MRPL1: variants seen among roughly 807,000 people sequenced by gnomAD.
MRPL1 encodes large ribosomal subunit protein uL1m.
Under a neutral mutation model 38.0 loss-of-function variants are expected in MRPL1, and 28 were observed. That is an observed-to-expected ratio of 0.74 (90% CI 0.55 to 1.01). The LOEUF (loss-of-function observed/expected upper bound fraction) is 1.01, where lower values mean the gene tolerates loss of function less well. Ranked by LOEUF, MRPL1 falls within the 50% of genes least tolerant of loss-of-function variation. The pLI, the probability that MRPL1 is intolerant of heterozygous loss-of-function variation, is 0.00. For missense variants in MRPL1, 358 were observed against 389.8 expected (o/e 0.92, Z 0.69); for synonymous variants, 123 against 126.7 (o/e 0.97, Z 0.20).
At chr4:77,863,021 A>G (rs901632482) in intron 1 of MRPL1, 142 bp downstream of exon 1, 1 of 992,254 alleles carries the variant, frequency 1.0e-6, no homozygotes, top group Admixed American at 2.2e-5. Context: ...AGGGTGGGTC[A>G]TTACTACTTA....
intron 6 of MRPL1, among the ~76,000 whole-genome samples, chr4:77,897,429 G>A (rs1010347448): frequency 6.6e-6 from 1 of 152,168 alleles, no homozygotes; most frequent in African/African-American, 2.4e-5. Flanking sequence ...ACCTGTGATA[G>A]GTACTGTGGC....
intron 5 of MRPL1, among the ~76,000 whole-genome samples, chr4:77,891,395 A>G (rs563950139): frequency 6.9e-6 from 1 of 145,692 alleles, no homozygotes; most frequent in South Asian, 2.1e-4. Context: ...TCGTTGCATC[A>G]CCCAGGCTGG....
At chr4:77,944,680 G>C (rs2110266871) in intron 7 of MRPL1, among the ~76,000 whole-genome samples, 1 of 152,188 alleles carries the variant, frequency 6.6e-6, no homozygotes, top group East Asian at 1.9e-4. Flanking sequence ...AAATTAGGAA[G>C]GCACTAAAGG....
chr4:77,910,543 C>T (rs567277508), intron 7 of MRPL1, among the ~76,000 whole-genome samples: 21 of 152,238 alleles, frequency 1.4e-4, no homozygotes, highest in East Asian at 1.9e-4. Flanking sequence ...GAGGCTGAGG[C>T]GATCCCTGGG....
intron 7 of MRPL1, among the ~76,000 whole-genome samples, chr4:77,947,979 C>G (rs1239228790): frequency 6.6e-6 from 1 of 152,024 alleles, no homozygotes; most frequent in Non-Finnish European, 1.5e-5. Flanking sequence ...CCATCCTAAT[C>G]ATGAAAGTTG....
intron 6 of MRPL1, among the ~76,000 whole-genome samples, chr4:77,901,630 A>C (rs1316910722): frequency 6.6e-6 from 1 of 152,186 alleles, no homozygotes; most frequent in African/African-American, 2.4e-5. Flanking sequence ...CTTTTAAGAC[A>C]ATGATTATTA....
intron 7 of MRPL1, among the ~76,000 whole-genome samples, chr4:77,927,493 A>G (rs912243965): frequency 6.6e-6 from 1 of 152,128 alleles, no homozygotes; most frequent in African/African-American, 2.4e-5. Context: ...TCCTGTTAGT[A>G]TACTATAAAT....
At chr4:77,877,099 C>G (rs1438500122) in intron 2 of MRPL1, among the ~76,000 whole-genome samples, 1 of 152,146 alleles carries the variant, frequency 6.6e-6, no homozygotes, top group Non-Finnish European at 1.5e-5. Flanking sequence ...GGGGTTTCAC[C>G]CTGTTGGCCA....
intron 6 of MRPL1, chr4:77,907,249 T>C (rs1736177881): frequency 2.3e-6 from 2 of 871,746 alleles, no homozygotes; most frequent in Non-Finnish European, 1.4e-6. Context: ...TATTTTTGTT[T>C]ATTAAATTTG....
At chr4:77,873,720 A>G (rs1270740682) in intron 2 of MRPL1, among the ~76,000 whole-genome samples, 1 of 152,224 alleles carries the variant, frequency 6.6e-6, no homozygotes, top group Non-Finnish European at 1.5e-5. Flanking sequence ...TCTGTCTTTG[A>G]GATTTTCACA....
chr4:77,899,537 C>T (rs1237628303), intron 6 of MRPL1, among the ~76,000 whole-genome samples: 1 of 152,062 alleles, frequency 6.6e-6, no homozygotes, highest in Non-Finnish European at 1.5e-5. Flanking sequence ...TCAGTTATCA[C>T]AGGTTTTTCT....
chr4:77,917,263 C>A (rs549291119), intron 7 of MRPL1, among the ~76,000 whole-genome samples: 1 of 152,248 alleles, frequency 6.6e-6, no homozygotes, highest in South Asian at 2.1e-4. Context: ...TGACTCACCC[C>A]TACCATCACC....
At chr4:77,945,985 G>A (rs1057334200) in intron 7 of MRPL1, among the ~76,000 whole-genome samples, 1 of 152,090 alleles carries the variant, frequency 6.6e-6, no homozygotes, top group Non-Finnish European at 1.5e-5. Context: ...ACATAAAACA[G>A]GTTTCGAGAG....
At chr4:77,910,122 C>T (rs986248418) in intron 7 of MRPL1, among the ~76,000 whole-genome samples, 1 of 152,014 alleles carries the variant, frequency 6.6e-6, no homozygotes, top group Non-Finnish European at 1.5e-5. Context: ...TAATTGTTAG[C>T]CATATGAGAG....
At chr4:77,905,881 G>T (rs11097965) in intron 6 of MRPL1, among the ~76,000 whole-genome samples, 33,858 of 152,012 alleles carry the variant, frequency 0.22, 4,753 homozygotes, top group African/African-American at 0.39. Flanking sequence ...AGTCCTTTAT[G>T]TGTTTATTCT....
chr4:77,925,491 G>A (rs1281556819), intron 7 of MRPL1, among the ~76,000 whole-genome samples: 3 of 151,614 alleles, frequency 2.0e-5, no homozygotes, highest in Non-Finnish European at 2.9e-5. Context: ...ACAGGTGCCC[G>A]CCACTATGCC....
At chr4:77,892,986 GTTAT>G (rs1328949787) in intron 5 of MRPL1, among the ~76,000 whole-genome samples, 3 of 152,236 alleles carry the variant, frequency 2.0e-5, no homozygotes, top group Non-Finnish European at 4.4e-5. Flanking sequence ...GGAGAGGTAT[GTTAT>G]TTAAGGACTA....
chr4:77,887,720 T>G (rs1248083159), intron 5 of MRPL1, among the ~76,000 whole-genome samples: 1 of 152,134 alleles, frequency 6.6e-6, no homozygotes, highest in Admixed American at 6.5e-5. Context: ...GGTTCTTGTT[T>G]GTTGCCCAGG....
chr4:77,863,003 T>TTTTTCACC, intron 1 of MRPL1, 124 bp downstream of exon 1: 1 of 1,225,762 alleles, frequency 8.2e-7, no homozygotes, highest in East Asian at 2.3e-5. Flanking sequence ...GGTCTCTAGG[T>TTTTTCACC]TTTTCAGAGG....
Sources: allele counts gnomAD v4.1 joint callset (sites outside exome capture counted in the v4.1 genomes callset), GRCh38; gene constraint gnomAD v4.1.1; transcripts MANE v1.5; gene names NCBI Gene and HGNC (gene_info 2026-07-23, HGNC 2026-07-21).